JCAD: variants seen among roughly 807,000 people sequenced by gnomAD.
JCAD encodes junctional cadherin 5 associated.
Under a neutral mutation model 98.0 loss-of-function variants are expected in JCAD, and 40 were observed. The ratio of observed to expected loss-of-function variants is 0.41; its 90% CI spans 0.32 to 0.53. The LOEUF (loss-of-function observed/expected upper bound fraction) is 0.53, where lower values mean the gene tolerates loss of function less well. Ranked by LOEUF, JCAD falls within the 20% of genes least tolerant of loss-of-function variation. The pLI, the probability that JCAD is intolerant of heterozygous loss-of-function variation, is 0.31. For synonymous variants in JCAD, 691 were observed against 682.3 expected, an observed-to-expected ratio of 1.01 and a Z score of -0.20; for missense variants, 1,705 against 1,738.1, an observed-to-expected ratio of 0.98 and a Z score of 0.34.
chr10:30,092,838 T>C (rs1838307386), intron 1 of JCAD, among the ~76,000 whole-genome samples: 1 of 152,156 alleles, frequency 6.6e-6, no homozygotes, highest in South Asian at 2.1e-4. Context: ...TGAAGGAACC[T>C]CGCTTACTGC....
In JCAD at chr10:30,106,376, A is replaced by G. The variant is rs11817922; in HGVS notation, n.128+8991T>C. Among the ~76,000 whole-genome samples the G allele has an allele frequency of 9.5e-4, 144 of 152,156 alleles. 1 individual carries two copies. Among genetic ancestry groups the G allele is most frequent in the African/African-American group, 3.1e-3 (130 of 41,506 alleles). On this transcript the variant is annotated intron_variant and non_coding_transcript_variant, in intron 1 of 2. Transcript: ENST00000465712. ...AGCCCAGGAGTTGGAGACTGCAGTG[A>G]GTTATGATGGCACCACTGCACTGGG...
intron 1 of JCAD, among the ~76,000 whole-genome samples, chr10:30,072,822 T>A (rs1339984851): frequency 2.0e-5 from 3 of 152,134 alleles, no homozygotes; most frequent in Admixed American, 2.0e-4. Context: ...TAGCTAGTTT[T>A]TGTATTTTTA....
chr10:30,018,296 CTTTTTT>C (rs68092911), intron 3 of JCAD, among the ~76,000 whole-genome samples: 4 of 70,654 alleles, frequency 5.7e-5, no homozygotes, highest in Non-Finnish European at 1.4e-4. Flanking sequence ...TCTTCTTCTT[CTTTTTT>C]TTTTTTTGGT....
chr10:30,040,274 G>A (rs891193069), intron 2 of JCAD, among the ~76,000 whole-genome samples: 9 of 152,186 alleles, frequency 5.9e-5, no homozygotes, highest in Non-Finnish European at 1.0e-4. Flanking sequence ...TCCACAATAC[G>A]GATGCAGAAC....
intron 2 of JCAD, among the ~76,000 whole-genome samples, chr10:30,034,739 A>G (rs1746982471): frequency 6.6e-6 from 1 of 152,200 alleles, no homozygotes; most frequent in South Asian, 2.1e-4. Flanking sequence ...TGAACCACTG[A>G]AAAGTCTTCA....
At chr10:30,018,890 A>AT (rs1015379487) in intron 3 of JCAD, among the ~76,000 whole-genome samples, 7 of 152,350 alleles carry the variant, frequency 4.6e-5, no homozygotes, top group African/African-American at 1.7e-4. Context: ...CTACCATATG[A>AT]TCCAGCAATC....
At chr10:30,070,904 G>GT (rs1554800360) in intron 1 of JCAD, among the ~76,000 whole-genome samples, 15 of 152,072 alleles carry the variant, frequency 9.9e-5, no homozygotes, top group Admixed American at 8.5e-4. Context: ...TGTTGTTGTT[G>GT]TTGTTTGTTT....
intron 2 of JCAD, among the ~76,000 whole-genome samples, chr10:30,033,563 C>A (rs1837046033): frequency 6.6e-6 from 1 of 152,226 alleles, no homozygotes. Flanking sequence ...CCCATAACTT[C>A]TCACTACTTT....
intron 1 of JCAD, among the ~76,000 whole-genome samples, chr10:30,105,960 C>T (rs941221053): frequency 3.9e-5 from 6 of 152,182 alleles, no homozygotes; most frequent in Non-Finnish European, 8.8e-5. Context: ...ACTCTGCTAA[C>T]TCTTCCAAGC....
rs1408349930 is a variant in JCAD at position 30,059,186 on chromosome 10, C to G, written c.-60+296G>C. On this transcript the variant is annotated intron_variant, in intron 1 of 3. Coordinates refer to ENST00000375377, the MANE Select transcript of JCAD (RefSeq NM_020848.4). This position sits in a 1 kb window ranked among gnomAD's most constrained non-coding sequence, Gnocchi z 5.0. ...TAACGCCAGCCGCGGCCCGCGGTGC[C>G]CGCCCCGGGACCCCCGCGCTCCGAG... 6.6e-6 allele frequency among the ~76,000 whole-genome samples: 1 copy of G among 151,584 alleles called. No homozygotes were observed. Among genetic ancestry groups the G allele is most frequent in the Non-Finnish European group, 1.5e-5 (1 of 67,818 alleles).
At chr10:30,088,694 A>G (rs11007897) in intron 1 of JCAD, among the ~76,000 whole-genome samples, 65,645 of 152,022 alleles carry the variant, frequency 0.43, 16,037 homozygotes, top group African/African-American at 0.66. Context: ...TTGGCTGGGC[A>G]CGGTGGCTCA....
At chr10:30,066,157 A>C (rs1837781080) in intron 2 of JCAD, among the ~76,000 whole-genome samples, 1 of 152,202 alleles carries the variant, frequency 6.6e-6, no homozygotes, top group South Asian at 2.1e-4. Context: ...ACATAGCAAC[A>C]TCCTTCACTA....
chr10:30,043,134 G>A (rs957139424), intron 2 of JCAD, among the ~76,000 whole-genome samples: 2 of 152,148 alleles, frequency 1.3e-5, no homozygotes, highest in Non-Finnish European at 2.9e-5. Flanking sequence ...CTCCCCAACA[G>A]AATTGTCATT....
At chr10:30,089,154 G>A (rs1164433675) in intron 1 of JCAD, among the ~76,000 whole-genome samples, 1 of 152,078 alleles carries the variant, frequency 6.6e-6, no homozygotes, top group East Asian at 1.9e-4. Context: ...TGGGGGTGGA[G>A]GCTGTACCAT....
intron 1 of JCAD, among the ~76,000 whole-genome samples, chr10:30,091,391 A>G (rs1838261101): frequency 6.6e-6 from 1 of 152,330 alleles, no homozygotes; most frequent in African/African-American, 2.4e-5. Flanking sequence ...TAACTTTATC[A>G]ACGACTTGAA....
rs778246987 is a variant in JCAD at position 30,026,138 on chromosome 10, T to G, written c.4010A>C (p.Lys1337Thr). The part of the protein sequence containing the change: ...REEKEHPAAQ[K>T]EKSMDQDFWC... ...GAAGTCTTGATCCATGCTCTTCTCC[T>G]TTTGTGCTGCCGGATGCTCCTTCTC... The change falls in exon 3 of 4, where the codon AAG becomes ACG. Residue 1337 changes from lysine (K) to threonine (T), a missense_variant. Coordinates refer to ENST00000375377, the MANE Select transcript of JCAD (RefSeq NM_020848.4). 1 of 1,614,208 alleles carries G rather than the reference T, an allele frequency of 6.2e-7. No individual in the cohort carries two copies. The highest frequency in any genetic ancestry group is 8.5e-7 in the Non-Finnish European group (1 of 1,180,046).
intron 3 of JCAD, among the ~76,000 whole-genome samples, chr10:30,025,723 A>G (rs1049640015): frequency 6.6e-5 from 10 of 151,836 alleles, no homozygotes; most frequent in African/African-American, 2.4e-4. Flanking sequence ...TCTCGTCTCT[A>G]TAAAAAAATT....
At chr10:30,021,124 C>A (rs752140523) in intron 3 of JCAD, among the ~76,000 whole-genome samples, 15 of 125,434 alleles carry the variant, frequency 1.2e-4, no homozygotes, top group Non-Finnish European at 2.1e-4. Context: ...ACAGGACACA[C>A]CTGCTGCCCA....
intron 2 of JCAD, among the ~76,000 whole-genome samples, chr10:30,064,749 G>T (rs1177507388): frequency 6.6e-6 from 1 of 151,498 alleles, no homozygotes; most frequent in African/African-American, 2.4e-5. Flanking sequence ...TCAGCTCACT[G>T]CAACCTCCAC....
Sources: allele counts gnomAD v4.1 joint callset (sites outside exome capture counted in the v4.1 genomes callset), GRCh38; gene constraint gnomAD v4.1.1; non-coding constraint Gnocchi (gnomAD v3.1); transcripts MANE v1.5; gene names NCBI Gene and HGNC (gene_info 2026-07-23, HGNC 2026-07-21).